Variants in HMCN1 observed in about 807,000 individuals in gnomAD.
HMCN1 encodes hemicentin-1.
A neutral mutation model predicts 625.9 loss-of-function variants in HMCN1; 321 were observed. That is an observed-to-expected ratio of 0.51 (90% CI 0.47 to 0.56). The LOEUF (loss-of-function observed/expected upper bound fraction) is 0.56. Ranked by LOEUF, HMCN1 falls within the 20% of genes least tolerant of loss-of-function variation. The pLI is 0.00. For missense variants in HMCN1, 6,588 were observed against 6,887.3 expected, an observed-to-expected ratio of 0.96 and a Z score of 1.54; for synonymous variants, 2,425 against 2,417.6, an observed-to-expected ratio of 1.00 and a Z score of -0.09.
At chr1:185,815,973 C>A (rs1160840019) in intron 1 of HMCN1, among the ~76,000 whole-genome samples, 1 of 149,950 alleles carries the variant, frequency 6.7e-6, no homozygotes, top group Non-Finnish European at 1.5e-5. Flanking sequence ...AATATCATAC[C>A]CATTCATTGT....
intron 57 of HMCN1, among the ~76,000 whole-genome samples, chr1:186,084,247 A>G (rs1013147204): frequency 6.6e-6 from 1 of 152,102 alleles, no homozygotes; most frequent in African/African-American, 2.4e-5. Flanking sequence ...AATGGTGTCT[A>G]TAGTTGTGGT....
At chr1:186,138,104 C>A in intron 89 of HMCN1, 132 bp downstream of exon 89, 1 of 1,005,480 alleles carries the variant, frequency 9.9e-7, no homozygotes, top group Non-Finnish European at 1.5e-6. Flanking sequence ...TATGTTCATT[C>A]ACTATATTCT....
At chr1:185,912,948 A>G (rs559616100) in intron 6 of HMCN1, among the ~76,000 whole-genome samples, 1 of 152,228 alleles carries the variant, frequency 6.6e-6, no homozygotes, top group South Asian at 2.1e-4. Context: ...CAAATTATAG[A>G]GCTGCTGTGA....
At chr1:186,010,925 T>A (rs1653959965) in intron 30 of HMCN1, among the ~76,000 whole-genome samples, 1 of 152,218 alleles carries the variant, frequency 6.6e-6, no homozygotes, top group Non-Finnish European at 1.5e-5. Flanking sequence ...TTATAAACTT[T>A]TTGTAATACA....
intron 1 of HMCN1, among the ~76,000 whole-genome samples, chr1:185,770,763 T>C (rs569750584): frequency 3.2e-4 from 49 of 152,224 alleles, no homozygotes; most frequent in Non-Finnish European, 6.2e-4. Flanking sequence ...TATGGAGCAG[T>C]CATTTAGCTG....
At chr1:186,187,420 C>T (rs2102681948) in intron 105 of HMCN1, among the ~76,000 whole-genome samples, 1 of 152,290 alleles carries the variant, frequency 6.6e-6, no homozygotes, top group Non-Finnish European at 1.5e-5. Context: ...CCCTATTTTC[C>T]ACTCAACAAT....
chr1:186,180,153 C>A (rs1652849916), intron 104 of HMCN1, among the ~76,000 whole-genome samples: 1 of 152,118 alleles, frequency 6.6e-6, no homozygotes, highest in Non-Finnish European at 1.5e-5. Context: ...AGTATTCTTG[C>A]TAGTATATTA....
chr1:185,895,984 A>G (rs111717608), intron 4 of HMCN1, among the ~76,000 whole-genome samples: 9,503 of 151,188 alleles, frequency 0.063, 1,055 homozygotes, highest in African/African-American at 0.22. Context: ...CGCACAGGCT[A>G]GAGTGCAGTG....
chr1:186,040,996 G>A lies in HMCN1; in HGVS notation c.6181-17G>A, dbSNP rs150061349. On this transcript the variant is annotated splice_polypyrimidine_tract_variant and intron_variant, in intron 39 of 106. Coordinates refer to ENST00000271588, the MANE Select transcript of HMCN1 (RefSeq NM_031935.3). The stretch of plus-strand genomic sequence containing the variant: ...CTCAGAGACATATTGGTTATTTAGC[G>A]TTCTTACCATTGATAGGTTCTCTCT... The A allele has an allele frequency of 4.1e-3, 6,621 of 1,611,840 alleles. 19 individuals carry two copies. Among genetic ancestry groups the A allele is most frequent in the Non-Finnish European group, 4.9e-3 (5,765 of 1,178,382 alleles).
In HMCN1 at chr1:185,922,504, G is replaced by A; in HGVS notation, c.1021+5G>A. Reference sequence around the variant, plus strand: ...CAGTCAGCAGACCAGTGCAAGGTTTGTATGTGCATATTATTTAAATTGACA... The same window carrying A: ...CAGTCAGCAGACCAGTGCAAGGTTTATATGTGCATATTATTTAAATTGACA... On this transcript the variant is annotated splice_donor_5th_base_variant and intron_variant, in intron 7 of 106. Coordinates refer to ENST00000271588, the MANE Select transcript of HMCN1 (RefSeq NM_031935.3). The A allele has an allele frequency of 6.2e-7, 1 of 1,606,486 alleles. No individual in the cohort carries two copies. Among genetic ancestry groups the A allele is most frequent in the Non-Finnish European group, 8.5e-7 (1 of 1,175,306 alleles).
intron 96 of HMCN1, among the ~76,000 whole-genome samples, chr1:186,153,319 TTTATG>T (rs1254903550): frequency 6.6e-6 from 1 of 152,126 alleles, no homozygotes; most frequent in African/African-American, 2.4e-5. Context: ...GGGTTCAAAC[TTTATG>T]TTATTTCCTG....
intron 58 of HMCN1, among the ~76,000 whole-genome samples, chr1:186,087,008 C>A (rs1571332178): frequency 6.6e-6 from 1 of 152,026 alleles, no homozygotes; most frequent in African/African-American, 2.4e-5. Flanking sequence ...GAGAAAAATT[C>A]TATGAATCTC....
chr1:186,137,676 T>C lies in HMCN1; in HGVS notation c.13753+8T>C. Reference sequence around the variant, plus strand: ...AAAATAAGCCTTGTCCAGGTACACCTCCTTATTTAACTGATAGGCATGTGT... The same window carrying C: ...AAAATAAGCCTTGTCCAGGTACACCCCCTTATTTAACTGATAGGCATGTGT... On this transcript the variant is annotated splice_region_variant and intron_variant, in intron 88 of 106. Transcript: ENST00000271588. 6.2e-7 allele frequency: 1 copy of C among 1,614,034 alleles called. No homozygotes were observed. The highest frequency in any genetic ancestry group is 8.5e-7 in the Non-Finnish European group (1 of 1,179,958).
At chr1:185,934,562 G>A (rs1297643107) in intron 11 of HMCN1, among the ~76,000 whole-genome samples, 1 of 152,134 alleles carries the variant, frequency 6.6e-6, no homozygotes, top group Non-Finnish European at 1.5e-5. Flanking sequence ...AACATATTTG[G>A]CTTCTAAAAG....
intron 1 of HMCN1, among the ~76,000 whole-genome samples, chr1:185,830,191 G>A (rs748974389): frequency 4.9e-4 from 74 of 151,898 alleles, no homozygotes; most frequent in Non-Finnish European, 7.1e-4. Flanking sequence ...CTCTCATTCT[G>A]TAGATTACCT....
chr1:186,039,823 A>C lies in HMCN1; in HGVS notation c.6124A>C (p.Ser2042Arg). Residue 2042 changes from serine (S) to arginine (R), a missense_variant, in exon 39 of 107, where the codon AGT becomes CGT. Coordinates refer to ENST00000271588, the MANE Select transcript of HMCN1 (RefSeq NM_031935.3). ...ECEARGIPAP[S>R]LTWLKDGSPV... Reference sequence around the variant, plus strand: ...TGAAGCCAGAGGTATTCCTGCCCCAAGTCTGACCTGGTTGAAAGATGGGAG... The same window carrying C: ...TGAAGCCAGAGGTATTCCTGCCCCACGTCTGACCTGGTTGAAAGATGGGAG... The C allele has an allele frequency of 6.2e-7, 1 of 1,613,534 alleles. No homozygotes were observed. The highest frequency in any genetic ancestry group is 1.1e-5 in the South Asian group (1 of 91,076).
intron 4 of HMCN1, among the ~76,000 whole-genome samples, chr1:185,899,973 AT>A (rs1392619584): frequency 1.3e-5 from 2 of 151,900 alleles, no homozygotes; most frequent in Non-Finnish European, 2.9e-5. Context: ...TAGAAACAAT[AT>A]TTTTTTCAAA....
chr1:186,139,281 T>G (rs1649807513), intron 89 of HMCN1, among the ~76,000 whole-genome samples: 1 of 152,232 alleles, frequency 6.6e-6, no homozygotes, highest in Non-Finnish European at 1.5e-5. Flanking sequence ...GGATTTGCAA[T>G]TCGGAACTTT....
chr1:185,898,885 T>TAAAA (rs566386597), intron 4 of HMCN1, among the ~76,000 whole-genome samples: 1 of 142,018 alleles, frequency 7.0e-6, no homozygotes, highest in African/African-American at 2.5e-5. Flanking sequence ...TTCAGACAGC[T>TAAAA]AAAAAAAAAA....
Sources: allele counts gnomAD v4.1 joint callset (sites outside exome capture counted in the v4.1 genomes callset), GRCh38; gene constraint gnomAD v4.1.1; transcripts MANE v1.5; gene names NCBI Gene and HGNC (gene_info 2026-07-23, HGNC 2026-07-21).